RAB3C: variants seen among roughly 807,000 people sequenced by gnomAD.
The protein encoded by RAB3C is ras-related protein Rab-3C.
In RAB3C, 17 loss-of-function variants were observed where a neutral mutation model predicts 26.4. The ratio of observed to expected loss-of-function variants is 0.64; its 90% CI spans 0.44 to 0.97. The LOEUF is 0.97. Among genes scored for constraint, RAB3C ranks in the 50% least tolerant of loss-of-function variants. The probability of loss-of-function intolerance (pLI) is 0.00; values close to 1 mark genes in which losing one functional copy is unlikely to be tolerated. For synonymous variants in RAB3C, 91 were observed against 95.9 expected (o/e 0.95, Z 0.30); for missense variants, 242 against 281.9 (o/e 0.86, Z 1.01).
intron 2 of RAB3C, among the ~76,000 whole-genome samples, chr5:58,682,609 G>A (rs986608950): frequency 2.0e-5 from 3 of 151,942 alleles, no homozygotes; most frequent in Non-Finnish European, 2.9e-5. Context: ...GCGTGAACCC[G>A]GGAGGTGGAG....
chr5:58,859,044 A>G lies in RAB3C; in HGVS notation c.*7693A>G, dbSNP rs1744326439. 1 of 152,196 alleles carries G rather than the reference A, an allele frequency of 6.6e-6. No homozygotes were observed. The highest frequency in any genetic ancestry group is 2.4e-5 in the African/African-American group (1 of 41,460). The allele number at this position is 152,196 out of a possible 1,614,324, so 9.4% of individuals were successfully genotyped here. On this transcript the variant is annotated 3_prime_UTR_variant, in exon 5 of 5. Transcript: ENST00000282878. The stretch of plus-strand genomic sequence containing the variant: ...AAGATCTTCCTTTGGAACCAGGCAC[A>G]TTTGGCCCCTTCTCAGTGACTGCAC...
At position 58,852,388 on chromosome 5, in the gene RAB3C, C is replaced by A. The variant is rs183536494; in HGVS notation, c.*1037C>A. Reference sequence around the variant, plus strand: ...CCCAAACACGGCCATCTTCTCAAACCTCAGCTAAGTTCTTTTACCTGTTTA... The same window carrying A: ...CCCAAACACGGCCATCTTCTCAAACATCAGCTAAGTTCTTTTACCTGTTTA... On this transcript the variant is annotated 3_prime_UTR_variant, in exon 5 of 5. Coordinates refer to ENST00000282878, the MANE Select transcript of RAB3C (RefSeq NM_138453.4). 6.6e-6 allele frequency: 1 copy of A among 152,134 alleles called. No individual in the cohort carries two copies. The allele number at this position is 152,134 out of a possible 1,614,324, so 9.4% of individuals were successfully genotyped here.
intron 3 of RAB3C, among the ~76,000 whole-genome samples, chr5:58,759,167 A>G (rs1022479747): frequency 6.6e-5 from 10 of 152,224 alleles, no homozygotes; most frequent in African/African-American, 2.4e-4. Context: ...ACAAACAAGT[A>G]ATTAGGCAAG....
In RAB3C at chr5:58,851,224, G is replaced by A. The variant is rs759104276; in HGVS notation, c.557G>A (p.Arg186His). ...DNINVKQTFE[R>H]LVDIICDKMS... ...ATTAATGTCAAGCAGACATTTGAGC[G>A]CCTTGTGGATATCATCTGCGACAAA... Residue 186 changes from arginine to histidine, a missense_variant, in exon 5 of 5, where the codon CGC (arginine) becomes CAC (histidine). Arg to His is a conservative substitution (Grantham distance 29). Transcript: ENST00000282878. 4.0e-5 allele frequency: 64 copies of A among 1,613,694 alleles called. No individual in the cohort carries two copies. Among genetic ancestry groups the A allele is most frequent in the Middle Eastern group, 1.6e-4 (1 of 6,082 alleles).
At chr5:58,754,941 T>C (rs780706986) in intron 3 of RAB3C, among the ~76,000 whole-genome samples, 1 of 151,708 alleles carries the variant, frequency 6.6e-6, no homozygotes. Context: ...CCCAGGTAAA[T>C]TCCAATTCCA....
chr5:58,704,578 C>A (rs1287434015), intron 2 of RAB3C, among the ~76,000 whole-genome samples: 1 of 152,050 alleles, frequency 6.6e-6, no homozygotes, highest in Admixed American at 6.6e-5. Flanking sequence ...AAAAGAAATG[C>A]TATACAAATG....
chr5:58,638,397 AT>A (rs577901477), intron 2 of RAB3C, among the ~76,000 whole-genome samples: 44 of 151,872 alleles, frequency 2.9e-4, no homozygotes, highest in African/African-American at 1.0e-3. Context: ...AGCTTTTCTA[AT>A]TCTTTGCATT....
intron 2 of RAB3C, among the ~76,000 whole-genome samples, chr5:58,649,828 C>T (rs187180314): frequency 6.6e-6 from 1 of 152,312 alleles, no homozygotes; most frequent in East Asian, 1.9e-4. Flanking sequence ...GAACACATCT[C>T]TGCTAACGTT....
chr5:58,816,550 C>G (rs147814564), intron 3 of RAB3C, among the ~76,000 whole-genome samples: 77 of 152,298 alleles, frequency 5.1e-4, no homozygotes, highest in African/African-American at 1.6e-3. Flanking sequence ...AGTCAGCCAA[C>G]AAGCACAGAA....
intron 2 of RAB3C, among the ~76,000 whole-genome samples, chr5:58,714,003 T>C (rs1285384124): frequency 2.0e-5 from 3 of 152,080 alleles, no homozygotes; most frequent in Admixed American, 2.0e-4. Context: ...GCAGCACATG[T>C]AAAAAGAATG....
intron 2 of RAB3C, among the ~76,000 whole-genome samples, chr5:58,711,832 C>A (rs1749067557): frequency 6.6e-6 from 1 of 152,156 alleles, no homozygotes. Flanking sequence ...TTCCCTCCAA[C>A]CCCACCATCC....
chr5:58,606,867 G>A (rs185180759), intron 1 of RAB3C, among the ~76,000 whole-genome samples: 21 of 152,168 alleles, frequency 1.4e-4, no homozygotes, highest in African/African-American at 3.9e-4. Flanking sequence ...AAATAGCATC[G>A]ACATCAACAA....
chr5:58,851,255 A>C lies in RAB3C; in HGVS notation c.588A>C (p.Ser196=). The C allele has an allele frequency of 6.2e-7, 1 of 1,613,998 alleles. No individual in the cohort carries two copies. The highest frequency in any genetic ancestry group is 8.5e-7 in the Non-Finnish European group (1 of 1,179,928). ...RLVDIICDKM[S]ESLETDPAIT... is the part of the protein sequence containing the mutation. ...TGGATATCATCTGCGACAAAATGTC[A>C]GAGAGTTTGGAGACTGATCCTGCCA... The change falls in exon 5 of 5, where the codon TCA becomes TCC. Residue 196 remains serine, a synonymous_variant. Coordinates refer to ENST00000282878, the MANE Select transcript of RAB3C (RefSeq NM_138453.4).
chr5:58,723,523 C>T (rs186569284), intron 2 of RAB3C, among the ~76,000 whole-genome samples: 122 of 151,808 alleles, frequency 8.0e-4, no homozygotes, highest in Admixed American at 3.6e-3. Context: ...TTTCAGGAGC[C>T]GAATAGGATA....
chr5:58,825,047 A>T lies in RAB3C; in HGVS notation c.381A>T (p.Gln127His). ...SFNAVQDWST[Q>H]IKTYSWDNAQ... ...CTTCTTTTTCTTTTAGGTCAACTCA[A>T]ATCAAAACATACTCTTGGGACAATG... Residue 127 changes from glutamine to histidine, a missense_variant, in exon 4 of 5, where the codon CAA becomes CAT. Transcript: ENST00000282878. 6.2e-7 allele frequency: 1 copy of T among 1,607,782 alleles called. No homozygotes were observed. Among genetic ancestry groups the T allele is most frequent in the Non-Finnish European group, 8.5e-7 (1 of 1,176,662 alleles).
chr5:58,606,959 A>G (rs1364773565), intron 1 of RAB3C, among the ~76,000 whole-genome samples: 2 of 152,174 alleles, frequency 1.3e-5, no homozygotes, highest in African/African-American at 4.8e-5. Flanking sequence ...ATGGGGAGAA[A>G]CCAGAGCAGA....
At position 58,597,316 on chromosome 5, in the gene RAB3C, C is replaced by T. The variant is rs1168243282; in HGVS notation, c.24+14084C>T. ...TATATATTATATAATATGTAATACA[C>T]AATATATATTATATAATCATTATAT... On this transcript the variant is annotated intron_variant, in intron 1 of 4. Transcript: ENST00000282878. Among the ~76,000 whole-genome samples the T allele has an allele frequency of 5.8e-5, 2 of 34,688 alleles. 1 individual carries two copies. The highest frequency in any genetic ancestry group is 1.6e-4 in the African/African-American group (2 of 12,346). The allele number at this position is 34,688 out of a possible 152,430, so 22.8% of individuals were successfully genotyped here.
chr5:58,597,552 A>G (rs1746343033), intron 1 of RAB3C, among the ~76,000 whole-genome samples: 1 of 120,342 alleles, frequency 8.3e-6, no homozygotes, highest in African/African-American at 3.0e-5. Context: ...ATAACAATAT[A>G]TAGTTCATTA....
intron 2 of RAB3C, among the ~76,000 whole-genome samples, chr5:58,635,716 G>A (rs1472108341): frequency 6.6e-6 from 1 of 152,134 alleles, no homozygotes; most frequent in African/African-American, 2.4e-5. Context: ...TGTCCCCTGA[G>A]CATTTGTTTT....
Sources: gnomAD v4.1 joint callset for allele counts (sites outside exome capture counted in the v4.1 genomes callset) on GRCh38, gnomAD v4.1.1 for gene constraint, MANE v1.5 for transcripts, NCBI Gene and HGNC (gene_info 2026-07-23, HGNC 2026-07-21) for gene names.